The following ABCG1 variants were observed in gnomAD, a reference collection of about 807,000 sequenced individuals.
ABCG1 encodes ATP-binding cassette sub-family G member 1.
Under a neutral mutation model 69.2 loss-of-function variants are expected in ABCG1, and 29 were observed. The observed-to-expected ratio is 0.42, with a 90% CI of 0.31 to 0.57. The LOEUF (loss-of-function observed/expected upper bound fraction) is 0.57. Ranked by LOEUF, ABCG1 falls within the 20% of genes least tolerant of loss-of-function variation. ABCG1 has a pLI of 0.15. For synonymous variants in ABCG1, 370 were observed against 374.8 expected, an observed-to-expected ratio of 0.99 and a Z score of 0.15; for missense variants, 718 against 898.1, an observed-to-expected ratio of 0.80 and a Z score of 2.56.
chr21:42,205,619 G>A (rs1031801945), intron 2 of ABCG1, among the ~76,000 whole-genome samples: 2 of 151,220 alleles, frequency 1.3e-5, no homozygotes, highest in Admixed American at 1.3e-4. Context: ...AAGAAAGAAA[G>A]AAAAACAATT....
chr21:42,293,834 C>CACAGACT (rs1445939254), intron 13 of ABCG1, among the ~76,000 whole-genome samples: 1 of 150,936 alleles, frequency 6.6e-6, no homozygotes, highest in African/African-American at 2.4e-5. Context: ...TCACTGCGCA[C>CACAGACT]ACAGACTACA....
chr21:42,256,638 G>T (rs2068310764), intron 2 of ABCG1: 4 of 1,482,572 alleles, frequency 2.7e-6, no homozygotes, highest in South Asian at 1.3e-5. Flanking sequence ...GAGTGCTGGG[G>T]ACAGGGTTCC....
intron 2 of ABCG1, chr21:42,259,610 C>T: frequency 6.9e-7 from 1 of 1,442,824 alleles, no homozygotes; most frequent in Non-Finnish European, 9.1e-7. Flanking sequence ...TACCTTGTTT[C>T]CTAACTGTCA....
chr21:42,235,884 C>T (rs1013543866), intron 2 of ABCG1, among the ~76,000 whole-genome samples: 2 of 152,186 alleles, frequency 1.3e-5, no homozygotes, highest in African/African-American at 4.8e-5. Context: ...TTTAGAGTGC[C>T]CTGGCCAAGG....
intron 4 of ABCG1, among the ~76,000 whole-genome samples, chr21:42,274,958 C>T (rs978505202): frequency 6.6e-6 from 1 of 152,116 alleles, no homozygotes; most frequent in African/African-American, 2.4e-5. Context: ...CCTCCTTGTT[C>T]GCTGCAAAAG....
intron 7 of ABCG1, 29 bp from the exon 8 acceptor site, chr21:42,285,851 G>T: frequency 6.6e-7 from 1 of 1,521,496 alleles, no homozygotes; most frequent in Non-Finnish European, 9.1e-7. Flanking sequence ...GGCAGGGCTT[G>T]ATCCCTTTTT....
chr21:42,256,359 G>A, intron 2 of ABCG1: 1 of 1,550,396 alleles, frequency 6.4e-7, no homozygotes, highest in Non-Finnish European at 8.7e-7. Flanking sequence ...ATGGTCAGGA[G>A]AGGTTGGTCT....
At chr21:42,234,424 C>T (rs186511317) in intron 2 of ABCG1, among the ~76,000 whole-genome samples, 1 of 152,336 alleles carries the variant, frequency 6.6e-6, no homozygotes, top group East Asian at 1.9e-4. Context: ...GCACGTGTTC[C>T]GGGAATTCTT....
intron 2 of ABCG1, among the ~76,000 whole-genome samples, chr21:42,258,536 A>C (rs899241740): frequency 2.7e-5 from 4 of 149,872 alleles, no homozygotes; most frequent in African/African-American, 9.9e-5. Context: ...CCTGAAACTC[A>C]CTCTGGGATT....
At chr21:42,255,394 G>A (rs760316134) in intron 2 of ABCG1, among the ~76,000 whole-genome samples, 11 of 152,192 alleles carry the variant, frequency 7.2e-5, no homozygotes, top group Non-Finnish European at 1.6e-4. Context: ...ATGGGTAGAC[G>A]TGTATGTGAT....
chr21:42,265,117 G>A (rs2068480652), intron 2 of ABCG1, among the ~76,000 whole-genome samples: 1 of 152,190 alleles, frequency 6.6e-6, no homozygotes, highest in African/African-American at 2.4e-5. Context: ...CATAGGAGCT[G>A]CAGCTGTGCT....
Position 42,296,643 on chromosome 21 carries a change from A to T in ABCG1, c.*251A>T, listed in dbSNP as rs1387849883. ...TTGGTGGTTTTTTTTTTTTTAACAT[A>T]CAGAATTTTAAATACCACAACTGGG... On this transcript the variant is annotated 3_prime_UTR_variant, in exon 15 of 15. Transcript: ENST00000398449. This position sits in a 1 kb window ranked among gnomAD's most constrained non-coding sequence, Gnocchi z 5.4. The T allele has an allele frequency of 2.1e-6, 1 of 482,898 alleles. No individual in the cohort carries two copies. Among genetic ancestry groups the T allele is most frequent in the South Asian group, 2.3e-5 (1 of 43,616 alleles). 29.9% of individuals were successfully genotyped at this position (482,898 alleles called of 1,614,324 possible).
At chr21:42,243,445 CGCGTGTGTGTGTGTGT>C (rs1195212084) in intron 2 of ABCG1, among the ~76,000 whole-genome samples, 13 of 79,720 alleles carry the variant, frequency 1.6e-4, no homozygotes, top group Middle Eastern at 6.8e-3. Context: ...CGTGTGTGTG[CGCGTGTGTGTGTGTGT>C]GTGTGTGTGT....
At chr21:42,270,252 T>G (rs1601420817) in intron 2 of ABCG1, among the ~76,000 whole-genome samples, 1 of 95,776 alleles carries the variant, frequency 1.0e-5, no homozygotes, top group Non-Finnish European at 1.8e-5. Flanking sequence ...AGAGCAAGAC[T>G]CAGTCTCAAA....
chr21:42,270,085 C>T (rs1601420581), intron 2 of ABCG1, among the ~76,000 whole-genome samples: 1 of 151,878 alleles, frequency 6.6e-6, no homozygotes, highest in East Asian at 1.9e-4. Context: ...ACGGTGAAAC[C>T]CTGTCTCTAC....
At chr21:42,266,250 G>C (rs953029496) in intron 2 of ABCG1, among the ~76,000 whole-genome samples, 4 of 152,040 alleles carry the variant, frequency 2.6e-5, no homozygotes, top group African/African-American at 9.7e-5. Flanking sequence ...GCAGTGAGCC[G>C]AGATTGCGCC....
chr21:42,293,191 C>T (rs1434247464), intron 13 of ABCG1, among the ~76,000 whole-genome samples: 4 of 143,744 alleles, frequency 2.8e-5, no homozygotes, highest in Non-Finnish European at 6.0e-5. Context: ...CCACACTACA[C>T]ACTACACACC....
At position 42,291,691 on chromosome 21, in the gene ABCG1, C is replaced by T. The variant is rs368276162; in HGVS notation, c.1653+35C>T. The T allele has an allele frequency of 4.2e-4, 655 of 1,559,886 alleles. 1 individual carries two copies. Among genetic ancestry groups the T allele is most frequent in the Non-Finnish European group, 5.4e-4 (626 of 1,158,316 alleles). On this transcript the variant is annotated intron_variant, in intron 13 of 14. Transcript: ENST00000398449. The surrounding 1 kb of genome is among the most constrained non-coding windows in gnomAD (Gnocchi z 6.4). Reference sequence around the variant, plus strand: ...CAGGAGGCGCTAAGTGAGGGCATGACGGCTGGGCTTCCCTGAGCTACCTTG... The same window carrying T: ...CAGGAGGCGCTAAGTGAGGGCATGATGGCTGGGCTTCCCTGAGCTACCTTG...
At chr21:42,242,772 T>C (rs1332747167) in intron 2 of ABCG1, among the ~76,000 whole-genome samples, 1 of 152,108 alleles carries the variant, frequency 6.6e-6, no homozygotes, top group Admixed American at 6.6e-5. Context: ...CGTTGTTTGT[T>C]GTGTTTTTTG....
Sources: gnomAD v4.1 joint callset for allele counts (sites outside exome capture counted in the v4.1 genomes callset) on GRCh38, gnomAD v4.1.1 for gene constraint, Gnocchi (gnomAD v3.1) non-coding constraint, MANE v1.5 for transcripts, NCBI Gene and HGNC (gene_info 2026-07-23, HGNC 2026-07-21) for gene names.